Variants in SLC45A1 observed in about 807,000 individuals in gnomAD.
SLC45A1 encodes solute carrier family 45 member 1, also known as proton-associated sugar transporter A.
In SLC45A1, 28 loss-of-function variants were observed where a neutral mutation model predicts 57.6. The ratio of observed to expected loss-of-function variants is 0.49; its 90% CI spans 0.36 to 0.67. SLC45A1 has a LOEUF of 0.67. Among genes scored for constraint, SLC45A1 ranks in the 30% least tolerant of loss-of-function variants. The pLI is 0.00. For missense variants in SLC45A1, 814 were observed against 1,041.5 expected, an observed-to-expected ratio of 0.78 and a Z score of 3.01; for synonymous variants, 459 against 471.5, an observed-to-expected ratio of 0.97 and a Z score of 0.34.
Position 8,325,455 on chromosome 1 carries a change from T to G in SLC45A1, c.490+65T>G, listed in dbSNP as rs536322524. ...AAAAAAGGCCCCAACTGCTTCCTTTTAGGAAAATTTTAAAAAATGTTGACC... is the reference window on the plus strand; with the variant it reads ...AAAAAAGGCCCCAACTGCTTCCTTTGAGGAAAATTTTAAAAAATGTTGACC... On this transcript the variant is annotated intron_variant, in intron 3 of 8. Transcript: ENST00000471889. This position sits in a 1 kb window ranked among gnomAD's most constrained non-coding sequence, Gnocchi z 6.3. 1.1e-5 allele frequency: 13 copies of G among 1,193,392 alleles called. No homozygotes were observed. In the East Asian group the frequency reaches 2.8e-4, roughly 26 times the overall value. 73.9% of individuals were successfully genotyped at this position (1,193,392 alleles called of 1,614,324 possible).
chr1:8,336,631 C>G (rs1640618960), intron 6 of SLC45A1, among the ~76,000 whole-genome samples: 1 of 152,152 alleles, frequency 6.6e-6, no homozygotes, highest in Admixed American at 6.6e-5. Context: ...TGGTTTCAGA[C>G]AGCCACAGAC....
intron 1 of SLC45A1, among the ~76,000 whole-genome samples, chr1:8,321,743 G>A (rs1640014370): frequency 6.6e-6 from 1 of 151,974 alleles, no homozygotes; most frequent in Non-Finnish European, 1.5e-5. Flanking sequence ...GTCGGTGGAT[G>A]TGTGGATAGT....
rs1185026802 is a variant in SLC45A1, at chr1:8,335,293, G to A, written c.1444-144G>A. ...GTTCCTCTGAGGTTGGCGTCGACACGGGGCTCATGCCGTCAGATAAGAAGA... is the reference window on the plus strand; with the variant it reads ...GTTCCTCTGAGGTTGGCGTCGACACAGGGCTCATGCCGTCAGATAAGAAGA... On this transcript the variant is annotated intron_variant, in intron 5 of 8. Transcript: ENST00000471889. The surrounding 1 kb of genome is among the most constrained non-coding windows in gnomAD (Gnocchi z 4.1). The A allele has an allele frequency of 2.0e-5, 16 of 784,164 alleles. No homozygotes were observed. Among genetic ancestry groups the A allele is most frequent in the Middle Eastern group, 5.6e-4 (2 of 3,580 alleles). The allele number at this position is 784,164 out of a possible 1,614,324, so 48.6% of individuals were successfully genotyped here.
intron 1 of SLC45A1, among the ~76,000 whole-genome samples, chr1:8,321,483 C>T (rs1313260513): frequency 6.6e-6 from 1 of 152,154 alleles, no homozygotes. Flanking sequence ...CCCCACTGTG[C>T]CCAACTGTTA....
rs961017174 is a variant in SLC45A1 at position 8,328,837 on chromosome 1, C to T, written c.716-1372C>T. On this transcript the variant is annotated intron_variant, in intron 4 of 8. Transcript: ENST00000471889. The surrounding 1 kb of genome is among the most constrained non-coding windows in gnomAD (Gnocchi z 4.6). Reference sequence around the variant, plus strand: ...CTGGGCAATAAGAGTGAAACTCCGTCTCAAAGAAAAATAATAAATAAAAAA... The same window carrying T: ...CTGGGCAATAAGAGTGAAACTCCGTTTCAAAGAAAAATAATAAATAAAAAA... 2.6e-5 allele frequency among the ~76,000 whole-genome samples: 4 copies of T among 152,114 alleles called. No homozygotes were observed. The highest frequency in any genetic ancestry group is 4.8e-5 in the African/African-American group (2 of 41,416).
intron 7 of SLC45A1, among the ~76,000 whole-genome samples, chr1:8,338,373 A>T (rs1640690696): frequency 6.6e-6 from 1 of 152,026 alleles, no homozygotes. Flanking sequence ...GTCCCCAGGG[A>T]GGTGGGGGCA....
In SLC45A1 at chr1:8,343,150, G is replaced by A. The variant is rs941817323; in HGVS notation, c.1981-597G>A. ...GCAATGCCCACTCACGCAGCACCTT[G>A]CAGGCCGGCTGGTGCTGGGGGAGCC... On this transcript the variant is annotated intron_variant, in intron 8 of 8. Transcript: ENST00000471889. The surrounding 1 kb of genome is among the most constrained non-coding windows in gnomAD (Gnocchi z 7.7). 1.3e-5 allele frequency among the ~76,000 whole-genome samples: 2 copies of A among 152,172 alleles called. No homozygotes were observed. Among genetic ancestry groups the A allele is most frequent in the African/African-American group, 4.8e-5 (2 of 41,438 alleles).
chr1:8,340,161 CT>C (rs886819097), intron 8 of SLC45A1, among the ~76,000 whole-genome samples: 2 of 149,734 alleles, frequency 1.3e-5, no homozygotes, highest in Non-Finnish European at 2.9e-5. Flanking sequence ...ATCTTTCTTT[CT>C]TTCTTTTTTT....
rs1640908607 is a variant in SLC45A1, at chr1:8,343,795, A to G, written c.2029A>G (p.Ile677Val). 1.9e-6 allele frequency: 3 copies of G among 1,614,044 alleles called. No homozygotes were observed. The highest frequency in any genetic ancestry group is 2.5e-6 in the Non-Finnish European group (3 of 1,179,972). Residue 677 changes from isoleucine (I) to valine (V), a missense_variant, in exon 9 of 9, where the codon ATC becomes GTC. Physicochemically the swap from Ile to Val is conservative, Grantham distance 29. Transcript: ENST00000471889. This position sits in a 1 kb window ranked among gnomAD's most constrained non-coding sequence, Gnocchi z 7.7. ...DGTRRGMGVD[I>V]SLLSCQYFLA... ...CACCCGGCGGGGCATGGGCGTGGAC[A>G]TCTCTCTGCTGAGCTGCCAGTACTT...
chr1:8,338,687 C>T (rs1008180208), intron 7 of SLC45A1, among the ~76,000 whole-genome samples: 1 of 152,268 alleles, frequency 6.6e-6, no homozygotes, highest in Non-Finnish European at 1.5e-5. Flanking sequence ...TGCCAAGCGC[C>T]AATCAAACCG....
At chr1:8,333,838 A>G (rs1385708664) in intron 5 of SLC45A1, among the ~76,000 whole-genome samples, 1 of 152,240 alleles carries the variant, frequency 6.6e-6, no homozygotes, top group African/African-American at 2.4e-5. Context: ...AGCGTGAGGA[A>G]GGACACTGCC....
intron 1 of SLC45A1, among the ~76,000 whole-genome samples, chr1:8,320,400 T>C (rs1194832143): frequency 6.6e-6 from 1 of 152,184 alleles, no homozygotes; most frequent in Admixed American, 6.5e-5. Context: ...TCCAACACTT[T>C]GGGAAGCCAA....
At position 8,330,261 on chromosome 1, in the gene SLC45A1, G is replaced by A. The variant is rs151069350; in HGVS notation, c.768G>A (p.Thr256=). The stretch of plus-strand genomic sequence containing the variant: ...TCGGCGGAATCCACTGGGATAAAAC[G>A]GGCTTCGGGAGGGCCCTGGGGGGAC... ...YVVGGIHWDK[T]GFGRALGGQL... The change falls in exon 5 of 9, where the codon ACG becomes ACA. Residue 256 remains threonine (T), a synonymous_variant. Coordinates refer to ENST00000471889, the MANE Select transcript of SLC45A1 (RefSeq NM_001080397.3). The surrounding 1 kb of genome is among the most constrained non-coding windows in gnomAD (Gnocchi z 8.4). 496 of 1,613,792 alleles carry A rather than the reference G, an allele frequency of 3.1e-4. 3 individuals carry two copies. Among genetic ancestry groups the A allele is most frequent in the Non-Finnish European group, 3.8e-4 (452 of 1,179,994 alleles).
In SLC45A1 at chr1:8,328,097, T is replaced by C. The variant is rs533465667; in HGVS notation, c.715+2055T>C. ...GGCCGAAGGTAGTGAGTTATCTCGATTGATTGCCCACAGTCAGTTACAGAT... is the reference window on the plus strand; with the variant it reads ...GGCCGAAGGTAGTGAGTTATCTCGACTGATTGCCCACAGTCAGTTACAGAT... On this transcript the variant is annotated intron_variant, in intron 4 of 8. Transcript: ENST00000471889. This position sits in a 1 kb window ranked among gnomAD's most constrained non-coding sequence, Gnocchi z 4.6. The C allele has an allele frequency of 2.0e-5, 3 of 152,360 alleles. No individual in the cohort carries two copies. The highest frequency in any genetic ancestry group is 2.1e-4 in the South Asian group (1 of 4,826). 9.4% of individuals were successfully genotyped at this position (152,360 alleles called of 1,614,324 possible).
rs1439861818 is a variant in SLC45A1 at position 8,327,803 on chromosome 1, G to C, written c.715+1761G>C. ...CCCAGCACTTTGAGAGGCTGAAGTG[G>C]GTGAATCACTTGAGGTCAGGCGTTC... On this transcript the variant is annotated intron_variant, in intron 4 of 8. Transcript: ENST00000471889. The surrounding 1 kb of genome is among the most constrained non-coding windows in gnomAD (Gnocchi z 4.3). Among the ~76,000 whole-genome samples, 1 of 152,180 alleles carries C rather than the reference G, an allele frequency of 6.6e-6. No homozygotes were observed. Among genetic ancestry groups the C allele is most frequent in the African/African-American group, 2.4e-5 (1 of 41,428 alleles).
In SLC45A1 at chr1:8,326,437, G is replaced by C. The variant is rs1640206590; in HGVS notation, c.715+395G>C. 6.6e-6 allele frequency among the ~76,000 whole-genome samples: 1 copy of C among 152,170 alleles called. No individual in the cohort carries two copies. Among genetic ancestry groups the C allele is most frequent in the African/African-American group, 2.4e-5 (1 of 41,438 alleles). On this transcript the variant is annotated intron_variant, in intron 4 of 8. Transcript: ENST00000471889. This position sits in a 1 kb window ranked among gnomAD's most constrained non-coding sequence, Gnocchi z 5.5. ...CAACGGATCAACACATAACCTTGTT[G>C]TATGTGTTTCTGTTTAAAACCCCTT...
In SLC45A1 at chr1:8,326,910, G is replaced by C. The variant is rs758381046; in HGVS notation, c.715+868G>C. Among the ~76,000 whole-genome samples the C allele has an allele frequency of 2.6e-5, 4 of 152,214 alleles. No homozygotes were observed. The highest frequency in any genetic ancestry group is 4.8e-5 in the African/African-American group (2 of 41,454). On this transcript the variant is annotated intron_variant, in intron 4 of 8. Transcript: ENST00000471889. The surrounding 1 kb of genome is among the most constrained non-coding windows in gnomAD (Gnocchi z 5.5). ...CAGGAGAATCACTTGAATCCGGGAGGCGGAGGTTGCAGTGAACTGAGATCG... is the reference window on the plus strand; with the variant it reads ...CAGGAGAATCACTTGAATCCGGGAGCCGGAGGTTGCAGTGAACTGAGATCG...
chr1:8,320,692 T>C (rs59759694), intron 1 of SLC45A1, among the ~76,000 whole-genome samples: 4 of 101,224 alleles, frequency 4.0e-5, no homozygotes, highest in African/African-American at 1.3e-4. Context: ...TCTCTCTCTC[T>C]ACACACACAC....
intron 8 of SLC45A1, among the ~76,000 whole-genome samples, chr1:8,341,238 G>C (rs1297689106): frequency 6.9e-6 from 1 of 145,098 alleles, no homozygotes; most frequent in Non-Finnish European, 1.5e-5. Context: ...ACAATGAATA[G>C]AAATTTCACT....
Sources: gnomAD v4.1 joint callset for allele counts (sites outside exome capture counted in the v4.1 genomes callset) on GRCh38, gnomAD v4.1.1 for gene constraint, Gnocchi (gnomAD v3.1) non-coding constraint, MANE v1.5 for transcripts, NCBI Gene and HGNC (gene_info 2026-07-23, HGNC 2026-07-21) for gene names.